The following RORA variants were observed in gnomAD, a reference collection of about 807,000 sequenced individuals.
RORA encodes the protein RAR related orphan receptor A.
In RORA, 7 loss-of-function variants were observed where a neutral mutation model predicts 69.5. The observed-to-expected ratio is 0.10, with a 90% CI of 0.06 to 0.19. The LOEUF is 0.19. Among genes scored for constraint, RORA ranks in the 10% least tolerant of loss-of-function variants. RORA has a pLI of 1.00. For synonymous variants in RORA, 261 were observed against 240.8 expected (o/e 1.08, Z -0.78); for missense variants, 457 against 663.0 (o/e 0.69, Z 3.41).
chr15:61,074,451 A>G (rs1403728668), intron 1 of RORA, among the ~76,000 whole-genome samples: 1 of 152,220 alleles, frequency 6.6e-6, no homozygotes, highest in Non-Finnish European at 1.5e-5. Context: ...GATACTGGAT[A>G]TGGCAATTAT....
chr15:60,924,265 C>A (rs1892140669), intron 1 of RORA, among the ~76,000 whole-genome samples: 1 of 151,168 alleles, frequency 6.6e-6, no homozygotes, highest in East Asian at 1.9e-4. Context: ...GGTTGAGTTA[C>A]ATTTATTCAG....
At chr15:60,581,128 A>G (rs17191519) in intron 2 of RORA, among the ~76,000 whole-genome samples, 23,812 of 152,224 alleles carry the variant, frequency 0.16, 2,530 homozygotes, top group Middle Eastern at 0.24. Context: ...AACATTCTGA[A>G]AACACTCGAT....
At chr15:60,782,556 C>T (rs752799060) in intron 1 of RORA, among the ~76,000 whole-genome samples, 11 of 152,128 alleles carry the variant, frequency 7.2e-5, no homozygotes, top group African/African-American at 2.7e-4. Context: ...ACTGCAAAGG[C>T]GGTCATATGA....
chr15:60,649,370 A>C (rs2070106654), intron 2 of RORA, among the ~76,000 whole-genome samples: 1 of 152,134 alleles, frequency 6.6e-6, no homozygotes, highest in Non-Finnish European at 1.5e-5. Context: ...CCTCCCACAC[A>C]CATATTGAGG....
At chr15:60,871,965 T>A (rs1465336404) in intron 1 of RORA, among the ~76,000 whole-genome samples, 1 of 152,216 alleles carries the variant, frequency 6.6e-6, no homozygotes, top group African/African-American at 2.4e-5. Flanking sequence ...ATGCAGAAAC[T>A]CTCTGCATTA....
intron 1 of RORA, among the ~76,000 whole-genome samples, chr15:60,685,391 CT>C (rs1224929946): frequency 6.6e-6 from 1 of 152,160 alleles, no homozygotes; most frequent in East Asian, 1.9e-4. Flanking sequence ...GAAACGAGGC[CT>C]AGAATTTAGG....
At chr15:60,734,638 G>A (rs900043142) in intron 1 of RORA, among the ~76,000 whole-genome samples, 6 of 152,128 alleles carry the variant, frequency 3.9e-5, no homozygotes, top group Admixed American at 6.5e-5. Context: ...CATGTCCTGC[G>A]TGGGTACTTC....
Position 60,531,699 on chromosome 15 carries a change from A to G in RORA, c.282+67T>C. 2 of 813,366 alleles carry G rather than the reference A, an allele frequency of 2.5e-6. No individual in the cohort carries two copies. The highest frequency in any genetic ancestry group is 2.0e-6 in the Non-Finnish European group (1 of 502,552). 50.4% of individuals were successfully genotyped at this position (813,366 alleles called of 1,614,324 possible). A position where few individuals can be genotyped will look rare whatever the true frequency, so the allele number is the denominator to read the frequency against. On this transcript the variant is annotated intron_variant, in intron 3 of 10. Coordinates refer to ENST00000335670, the MANE Select transcript of RORA (RefSeq NM_134261.3). The surrounding 1 kb of genome is among the most constrained non-coding windows in gnomAD (Gnocchi z 4.8). ...GTTGAATTTTAAGACATAAGTGGAG[A>G]CATACAAATCACAAAGATATATTCT...
intron 1 of RORA, among the ~76,000 whole-genome samples, chr15:61,011,966 T>C (rs1895101225): frequency 6.6e-6 from 1 of 152,246 alleles, no homozygotes; most frequent in Non-Finnish European, 1.5e-5. Context: ...AGCTGAGAGA[T>C]CACCTGGTCT....
chr15:60,916,354 C>A (rs548308166), intron 1 of RORA, among the ~76,000 whole-genome samples: 2 of 152,324 alleles, frequency 1.3e-5, no homozygotes, highest in South Asian at 4.1e-4. Context: ...GGAAGAGACC[C>A]TGGTATTCTA....
chr15:60,668,611 G>T (rs982009567), intron 2 of RORA, among the ~76,000 whole-genome samples: 17 of 152,166 alleles, frequency 1.1e-4, no homozygotes, highest in Admixed American at 7.9e-4. Flanking sequence ...AGAGGCACTG[G>T]TGTTATCCTG....
At chr15:60,894,611 G>C (rs543607142) in intron 1 of RORA, among the ~76,000 whole-genome samples, 1 of 152,354 alleles carries the variant, frequency 6.6e-6, no homozygotes, top group South Asian at 2.1e-4. Context: ...TCAAACGCTA[G>C]TGTGCATCAG....
intron 2 of RORA, among the ~76,000 whole-genome samples, chr15:60,659,017 G>A (rs940719255): frequency 1.3e-5 from 2 of 152,154 alleles, no homozygotes; most frequent in African/African-American, 4.8e-5. Flanking sequence ...CGAGGAGGAG[G>A]AACATGCCGC....
intron 1 of RORA, among the ~76,000 whole-genome samples, chr15:60,997,156 G>T (rs1894577055): frequency 6.6e-6 from 1 of 152,020 alleles, no homozygotes; most frequent in South Asian, 2.1e-4. Flanking sequence ...GGAAGTACTA[G>T]CTGGGAGCTT....
At chr15:60,586,303 A>C (rs2068333418) in intron 2 of RORA, among the ~76,000 whole-genome samples, 1 of 152,204 alleles carries the variant, frequency 6.6e-6, no homozygotes, top group Non-Finnish European at 1.5e-5. Flanking sequence ...CACAACTGGC[A>C]CTTGGGGTCC....
chr15:60,534,042 G>A lies in RORA; in HGVS notation c.197-2191C>T, dbSNP rs1219352785. 1.3e-5 allele frequency among the ~76,000 whole-genome samples: 2 copies of A among 152,180 alleles called. No individual in the cohort carries two copies. The highest frequency in any genetic ancestry group is 2.9e-5 in the Non-Finnish European group (2 of 68,014). Reference sequence around the variant, plus strand: ...CAAGAATATGAAGGCCCTGGGCAGGGCATATTGAGAACAATGAGTAGAACT... The same window carrying A: ...CAAGAATATGAAGGCCCTGGGCAGGACATATTGAGAACAATGAGTAGAACT... On this transcript the variant is annotated intron_variant, in intron 2 of 10. Transcript: ENST00000335670. This position sits in a 1 kb window ranked among gnomAD's most constrained non-coding sequence, Gnocchi z 5.0.
At chr15:60,682,708 G>C (rs1393447654) in intron 1 of RORA, among the ~76,000 whole-genome samples, 1 of 152,192 alleles carries the variant, frequency 6.6e-6, no homozygotes, top group African/African-American at 2.4e-5. Flanking sequence ...AAGGACTTTG[G>C]TCCCCACTAC....
chr15:61,022,278 C>A (rs1478024034), intron 1 of RORA, among the ~76,000 whole-genome samples: 1 of 152,122 alleles, frequency 6.6e-6, no homozygotes, highest in African/African-American at 2.4e-5. Flanking sequence ...AAATGCTTGA[C>A]AAAGAAAGAC....
chr15:61,002,689 T>C (rs1267980728), intron 1 of RORA, among the ~76,000 whole-genome samples: 1 of 152,152 alleles, frequency 6.6e-6, no homozygotes, highest in Non-Finnish European at 1.5e-5. Context: ...ATCATGCCGC[T>C]TTAGGGTTTA....
Sources: allele counts gnomAD v4.1 joint callset (sites outside exome capture counted in the v4.1 genomes callset), GRCh38; gene constraint gnomAD v4.1.1; non-coding constraint Gnocchi (gnomAD v3.1); transcripts MANE v1.5; gene names NCBI Gene and HGNC (gene_info 2026-07-23, HGNC 2026-07-21).